UBXN8: variants seen among roughly 807,000 people sequenced by gnomAD.
UBXN8 encodes UBX domain-containing protein 8.
A neutral mutation model predicts 32.1 loss-of-function variants in UBXN8; 27 were observed. The ratio of observed to expected loss-of-function variants is 0.84; its 90% CI spans 0.62 to 1.16. The LOEUF (loss-of-function observed/expected upper bound fraction) is 1.16. Among genes scored for constraint, UBXN8 ranks in the 50% most tolerant of loss-of-function variants. The pLI is 0.00. For synonymous variants in UBXN8, 109 were observed against 111.8 expected (o/e 0.98, Z 0.16); for missense variants, 306 against 311.4 (o/e 0.98, Z 0.13).
chr8:30,741,497 C>CT (rs1191490353), upstream of UBXN8, among the ~76,000 whole-genome samples: 1 of 129,052 alleles, frequency 7.7e-6, no homozygotes, highest in Non-Finnish European at 1.5e-5. Context: ...CACTCTATTG[C>CT]CCAGGCTGGA....
intron 5 of UBXN8, among the ~76,000 whole-genome samples, chr8:30,757,781 C>A (rs1805701475): frequency 6.7e-6 from 1 of 149,884 alleles, no homozygotes; most frequent in Admixed American, 6.7e-5. Flanking sequence ...ATCTCTTGAA[C>A]CCAGCGGGGT....
chr8:30,735,577 G>A (rs1488696667), intron 1 of UBXN8, among the ~76,000 whole-genome samples: 2 of 152,080 alleles, frequency 1.3e-5, no homozygotes, highest in African/African-American at 2.4e-5. Context: ...AGTGGCTCAC[G>A]CCTATAATCC....
upstream of UBXN8, among the ~76,000 whole-genome samples, chr8:30,731,474 C>T (rs1053865092): frequency 1.3e-5 from 2 of 152,164 alleles, no homozygotes; most frequent in Non-Finnish European, 2.9e-5. Flanking sequence ...TTATCCCTTG[C>T]CCTTGTTGAG....
chr8:30,756,353 C>T (rs28633466), intron 4 of UBXN8: 3,595 of 161,218 alleles, frequency 0.022, 129 homozygotes, highest in African/African-American at 0.076. Context: ...CCATGTTGGC[C>T]AGGCTGGTCT....
intron 5 of UBXN8, 114 bp downstream of exon 5, chr8:30,757,001 G>A: frequency 6.9e-7 from 1 of 1,440,750 alleles, no homozygotes; most frequent in Non-Finnish European, 9.3e-7. Context: ...TCCAGATGGT[G>A]TCTTCCCACT....
upstream of UBXN8, among the ~76,000 whole-genome samples, chr8:30,742,631 C>A (rs1040916732): frequency 3.3e-5 from 5 of 152,124 alleles, no homozygotes; most frequent in African/African-American, 1.2e-4. Context: ...AGTGAGCTAC[C>A]GCGCCCGGCC....
At chr8:30,748,178 C>T (rs1338135411) in intron 1 of UBXN8, among the ~76,000 whole-genome samples, 10 of 150,344 alleles carry the variant, frequency 6.7e-5, no homozygotes, top group South Asian at 2.1e-4. Context: ...CAGGCTGGAG[C>T]GCAGTGGTGC....
chr8:30,760,434 TA>T (rs1181111977), intron 5 of UBXN8, among the ~76,000 whole-genome samples: 7 of 42,376 alleles, frequency 1.7e-4, no homozygotes, highest in African/African-American at 7.8e-4. Context: ...TATATATATA[TA>T]TATATATATT....
intron 6 of UBXN8, 70 bp from the exon 7 acceptor site, chr8:30,763,203 T>G: frequency 1.4e-6 from 2 of 1,470,892 alleles, no homozygotes; most frequent in Non-Finnish European, 1.9e-6. Flanking sequence ...GCTGCTTAGC[T>G]GTTTTATGGA....
intron 4 of UBXN8, among the ~76,000 whole-genome samples, chr8:30,755,760 G>GAAAAAAAAAAAAAAAAAAAAAAAA: frequency 1.1e-5 from 1 of 88,920 alleles, no homozygotes; most frequent in Non-Finnish European, 1.9e-5. Context: ...CCTTTCTCCA[G>GAAAAAAAAAAAAAAAAAAAAAAAA]AAAAAAAAAA....
chr8:30,729,630 G>A (rs909287896), upstream of UBXN8, among the ~76,000 whole-genome samples: 5 of 152,220 alleles, frequency 3.3e-5, no homozygotes, highest in East Asian at 7.7e-4. Context: ...AGGAAACACG[G>A]GTCAGACACA....
upstream of UBXN8, among the ~76,000 whole-genome samples, chr8:30,729,863 A>G (rs182580502): frequency 3.3e-3 from 503 of 152,318 alleles, 1 homozygote; most frequent in African/African-American, 0.012. Flanking sequence ...ACCAGTTTCC[A>G]TACATAGACA....
Position 30,763,258 on chromosome 8 carries a change from A to C in UBXN8, c.571-15A>C, listed in dbSNP as rs377664623. 2 of 1,613,354 alleles carry C rather than the reference A, an allele frequency of 1.2e-6. No individual in the cohort carries two copies. Among genetic ancestry groups the C allele is most frequent in the East Asian group, 4.5e-5 (2 of 44,900 alleles). On this transcript the variant is annotated splice_polypyrimidine_tract_variant and intron_variant, in intron 6 of 7. Coordinates refer to ENST00000265616, the MANE Select transcript of UBXN8 (RefSeq NM_005671.4). ...GCAATGGATCGGAGTTCTTATGTGA[A>C]TATTTCTTCCTTAGGTAGTTACTGT...
At chr8:30,761,550 G>A (rs919605808) in intron 6 of UBXN8, among the ~76,000 whole-genome samples, 4 of 152,106 alleles carry the variant, frequency 2.6e-5, no homozygotes, top group Non-Finnish European at 4.4e-5. Flanking sequence ...CATAGGACAC[G>A]TGGGCTTTTC....
chr8:30,762,651 C>G (rs896766434), intron 6 of UBXN8, among the ~76,000 whole-genome samples: 2 of 152,154 alleles, frequency 1.3e-5, no homozygotes, highest in Admixed American at 6.5e-5. Context: ...CCTTGGCCCC[C>G]CAAAGTGCTG....
At chr8:30,729,443 G>C (rs1760288890), upstream of UBXN8, among the ~76,000 whole-genome samples, 6 of 152,158 alleles carry the variant, frequency 3.9e-5, no homozygotes, top group Admixed American at 3.9e-4. Context: ...TTTTGTTTTT[G>C]ACTTGACTTG....
At chr8:30,739,909 C>CTT (rs373875278), upstream of UBXN8, among the ~76,000 whole-genome samples, 2 of 151,614 alleles carry the variant, frequency 1.3e-5, no homozygotes, top group South Asian at 4.2e-4. Flanking sequence ...ATGCTTTTTG[C>CTT]TTTTTGTTTT....
At chr8:30,751,310 T>TC (rs1239485258) in intron 1 of UBXN8, 86 bp from the exon 2 acceptor site, 1 of 1,174,278 alleles carries the variant, frequency 8.5e-7, no homozygotes, top group African/African-American at 1.6e-5. Flanking sequence ...GCTCAGGAGT[T>TC]CGAGACCAGC....
At chr8:30,734,375 T>G (rs1182180352) in intron 1 of UBXN8, 1 of 152,158 alleles carries the variant, frequency 6.6e-6, no homozygotes. Context: ...CCCAGCACTT[T>G]GGGAGGCTGA....
Sources: gnomAD v4.1 joint callset for allele counts (sites outside exome capture counted in the v4.1 genomes callset) on GRCh38, gnomAD v4.1.1 for gene constraint, MANE v1.5 for transcripts, NCBI Gene and HGNC (gene_info 2026-07-23, HGNC 2026-07-21) for gene names.